SGPL1: variants seen among roughly 807,000 people sequenced by gnomAD.
SGPL1 encodes SP-lyase 1.
Under a neutral mutation model 68.9 loss-of-function variants are expected in SGPL1, and 37 were observed. The observed-to-expected ratio is 0.54, with a 90% CI of 0.41 to 0.71. The LOEUF (loss-of-function observed/expected upper bound fraction) is 0.71. SGPL1 is among the 30% of genes least tolerant of loss of function. The probability of loss-of-function intolerance (pLI) is 0.00; values close to 1 mark genes in which losing one functional copy is unlikely to be tolerated. For missense variants in SGPL1, 551 were observed against 704.6 expected, an observed-to-expected ratio of 0.78 and a Z score of 2.47; for synonymous variants, 236 against 248.5, an observed-to-expected ratio of 0.95 and a Z score of 0.47.
chr10:70,848,614 G>A (rs1009508127), intron 3 of SGPL1, among the ~76,000 whole-genome samples: 10 of 151,922 alleles, frequency 6.6e-5, no homozygotes, highest in Non-Finnish European at 2.9e-5. Context: ...ACAGGCGCGT[G>A]CCATCACGCC....
intron 8 of SGPL1, 79 bp downstream of exon 8, chr10:70,868,512 C>G: frequency 8.7e-7 from 1 of 1,149,174 alleles, no homozygotes; most frequent in Non-Finnish European, 1.3e-6. Flanking sequence ...AGCAGATAAT[C>G]CATTTTCCTG....
intron 12 of SGPL1, among the ~76,000 whole-genome samples, chr10:70,873,977 G>C (rs994858427): frequency 7.2e-5 from 11 of 152,212 alleles, no homozygotes; most frequent in African/African-American, 2.7e-4. Flanking sequence ...CCCACCCCTA[G>C]AGTTTCTGAT....
intron 2 of SGPL1, among the ~76,000 whole-genome samples, chr10:70,824,933 AT>A (rs1156862141): frequency 6.7e-6 from 1 of 150,030 alleles, no homozygotes; most frequent in East Asian, 2.0e-4. Context: ...ATCCTAAAAA[AT>A]TTTCATGTTG....
Position 70,875,508 on chromosome 10 carries a change from G to C in SGPL1, c.1405G>C (p.Ala469Pro). 6.2e-7 allele frequency: 1 copy of C among 1,613,158 alleles called. No individual in the cohort carries two copies. The highest frequency in any genetic ancestry group is 8.5e-7 in the Non-Finnish European group (1 of 1,179,372). The change falls in exon 13 of 15, where the codon GCT becomes CCT. Residue 469 changes from alanine (A) to proline (P), a missense_variant. Transcript: ENST00000373202. ...CTACCGACTATCAAACCTGATGACT[G>C]CTAAGGGGTGGAACTTGAACCAGTT... ...DIYRLSNLMTAKGWNLNQLQF... is the reference protein window; with the variant it reads ...DIYRLSNLMTPKGWNLNQLQF...
Position 70,864,696 on chromosome 10 carries a change from T to G in SGPL1, c.616-3649T>G, listed in dbSNP as rs573994070. 6.6e-5 allele frequency among the ~76,000 whole-genome samples: 10 copies of G among 152,340 alleles called. No individual in the cohort carries two copies. In the East Asian group the frequency reaches 1.7e-3, roughly 26 times the overall value. Reference sequence around the variant, plus strand: ...TTTATTTTGCATGCTACATACTACCTTTTCCCCTGCCTTTTAGTTTGTTTG... The same window carrying G: ...TTTATTTTGCATGCTACATACTACCGTTTCCCCTGCCTTTTAGTTTGTTTG... On this transcript the variant is annotated intron_variant, in intron 7 of 14. Transcript: ENST00000373202.
At chr10:70,863,243 T>G (rs1163088364) in intron 7 of SGPL1, among the ~76,000 whole-genome samples, 1 of 151,410 alleles carries the variant, frequency 6.6e-6, no homozygotes, top group Non-Finnish European at 1.5e-5. Flanking sequence ...TGCCTTGGCT[T>G]CTCAAAGTGC....
intron 7 of SGPL1, among the ~76,000 whole-genome samples, chr10:70,863,311 T>TA (rs1423891772): frequency 7.7e-6 from 1 of 129,628 alleles, no homozygotes; most frequent in Non-Finnish European, 1.7e-5. Flanking sequence ...TTTTTTTTTT[T>TA]AATCTGCTTG....
At chr10:70,862,856 C>A (rs1051581478) in intron 7 of SGPL1, among the ~76,000 whole-genome samples, 1 of 152,220 alleles carries the variant, frequency 6.6e-6, no homozygotes, top group Non-Finnish European at 1.5e-5. Flanking sequence ...CGAGGGTCCG[C>A]GGCTTCATTC....
intron 2 of SGPL1, among the ~76,000 whole-genome samples, chr10:70,819,627 CT>C (rs35734922): frequency 1.6e-3 from 195 of 120,890 alleles, no homozygotes; most frequent in South Asian, 0.014. Context: ...TGGGATGCAG[CT>C]TTTTTTTTTT....
At chr10:70,871,776 G>C in intron 10 of SGPL1, 61 bp from the exon 11 acceptor site, 1 of 1,512,938 alleles carries the variant, frequency 6.6e-7, no homozygotes, top group Non-Finnish European at 9.0e-7. Flanking sequence ...CCCATGTCTT[G>C]CAGTTTTTAT....
chr10:70,846,381 T>C (rs544057086), intron 3 of SGPL1, among the ~76,000 whole-genome samples: 38 of 7,450 alleles, frequency 5.1e-3, no homozygotes, highest in African/African-American at 8.1e-3. Flanking sequence ...ATTTTTTAAC[T>C]TTTCATTAAA....
intron 2 of SGPL1, among the ~76,000 whole-genome samples, chr10:70,824,673 C>T (rs1402863365): frequency 6.6e-6 from 1 of 152,026 alleles, no homozygotes; most frequent in African/African-American, 2.4e-5. Flanking sequence ...CCAAAACATT[C>T]AAAACAAATT....
intron 7 of SGPL1, among the ~76,000 whole-genome samples, chr10:70,864,726 G>A (rs1354153367): frequency 6.6e-6 from 1 of 152,078 alleles, no homozygotes; most frequent in Non-Finnish European, 1.5e-5. Flanking sequence ...TGTTTGCATA[G>A]TTTCCTTGCC....
intron 2 of SGPL1, among the ~76,000 whole-genome samples, chr10:70,836,668 T>C (rs1478639296): frequency 2.0e-5 from 3 of 152,178 alleles, no homozygotes; most frequent in African/African-American, 7.2e-5. Flanking sequence ...ATCAAATGCC[T>C]GGGCTCAAGT....
intron 2 of SGPL1, among the ~76,000 whole-genome samples, chr10:70,827,509 T>C (rs1371811834): frequency 6.6e-6 from 1 of 152,228 alleles, no homozygotes; most frequent in Non-Finnish European, 1.5e-5. Context: ...CAGCTTTTTG[T>C]CATGAAATAG....
intron 2 of SGPL1, among the ~76,000 whole-genome samples, chr10:70,831,778 T>C (rs922833682): frequency 2.6e-5 from 4 of 152,182 alleles, no homozygotes; most frequent in Non-Finnish European, 5.9e-5. Context: ...ACAGGAGGCA[T>C]GATCTCATAC....
In SGPL1 at chr10:70,869,893, T is replaced by C; in HGVS notation, c.806T>C (p.Val269Ala). 1 of 1,613,542 alleles carries C rather than the reference T, an allele frequency of 6.2e-7. No individual in the cohort carries two copies. The highest frequency in any genetic ancestry group is 2.2e-5 in the East Asian group (1 of 44,862). ...VPLTKMMEVD[V>A]RAMRRAISRN... ...TTGACGAAGATGATGGAGGTGGATG[T>C]GCGGGTGAGTCCCTCTGGAGGGCCC... Residue 269 changes from valine (V) to alanine (A), a missense_variant, in exon 9 of 15, where the codon GTG becomes GCG. Coordinates refer to ENST00000373202, the MANE Select transcript of SGPL1 (RefSeq NM_003901.4).
chr10:70,859,905 G>GCTTCTT (rs1269446358), intron 7 of SGPL1, among the ~76,000 whole-genome samples: 1 of 151,918 alleles, frequency 6.6e-6, no homozygotes, highest in Non-Finnish European at 1.5e-5. Flanking sequence ...CTCCCTACCC[G>GCTTCTT]CTTCTTCCCT....
intron 12 of SGPL1, among the ~76,000 whole-genome samples, chr10:70,874,365 T>G (rs546618260): frequency 6.6e-6 from 1 of 152,292 alleles, no homozygotes; most frequent in African/African-American, 2.4e-5. Context: ...AAGGATCGCT[T>G]CAGCTCAGGA....
Sources: gnomAD v4.1 joint callset for allele counts (sites outside exome capture counted in the v4.1 genomes callset) on GRCh38, gnomAD v4.1.1 for gene constraint, MANE v1.5 for transcripts, NCBI Gene and HGNC (gene_info 2026-07-23, HGNC 2026-07-21) for gene names.